GLRX3: variants seen among roughly 807,000 people sequenced by gnomAD.
GLRX3 encodes glutaredoxin-3.
In GLRX3, 22 loss-of-function variants were observed where a neutral mutation model predicts 49.5. The observed-to-expected ratio is 0.44, with a 90% CI of 0.32 to 0.63. GLRX3 has a LOEUF of 0.63. Among genes scored for constraint, GLRX3 ranks in the 30% least tolerant of loss-of-function variants. The pLI is 0.05. For missense variants in GLRX3, 385 were observed against 396.3 expected (o/e 0.97, Z 0.24); for synonymous variants, 133 against 140.0 (o/e 0.95, Z 0.35).
rs1862565425 is a variant in GLRX3, at chr10:130,160,945, T to C, written c.426T>C (p.His142=). 1 of 1,613,902 alleles carries C rather than the reference T, an allele frequency of 6.2e-7. No individual in the cohort carries two copies. The highest frequency in any genetic ancestry group is 8.5e-7 in the Non-Finnish European group (1 of 1,179,900). The change falls in exon 4 of 11, where the codon CAT becomes CAC. Residue 142 remains histidine (H), a synonymous_variant. Transcript: ENST00000331244. ...ACCTTCGCTTGAAGAAATTGACTCA[T>C]GCTGCCCCCTGCATGCTGTTTATGA... is the stretch of plus-strand genomic sequence containing the variant. ...DLNLRLKKLT[H]AAPCMLFMKG...
intron 8 of GLRX3, among the ~76,000 whole-genome samples, chr10:130,174,561 C>G (rs1862877295): frequency 2.0e-5 from 3 of 152,254 alleles, no homozygotes; most frequent in Admixed American, 1.3e-4. Context: ...TGAGCAGTTG[C>G]AGCAGAGACT....
At chr10:130,151,688 A>AC (rs1862380169) in intron 2 of GLRX3, among the ~76,000 whole-genome samples, 2 of 152,190 alleles carry the variant, frequency 1.3e-5, no homozygotes, top group Non-Finnish European at 2.9e-5. Flanking sequence ...ATGTCCCTGT[A>AC]AAGGACATGA....
At chr10:130,152,219 G>A (rs923125073) in intron 2 of GLRX3, among the ~76,000 whole-genome samples, 5 of 151,860 alleles carry the variant, frequency 3.3e-5, no homozygotes, top group African/African-American at 9.7e-5. Context: ...GGGTTTCACC[G>A]TGTTGGCCAG....
chr10:130,143,202 C>G (rs1216821587), intron 1 of GLRX3, among the ~76,000 whole-genome samples: 1 of 152,216 alleles, frequency 6.6e-6, no homozygotes, highest in Non-Finnish European at 1.5e-5. Context: ...AATCCTCATG[C>G]TGCTCTTTGC....
chr10:130,172,633 A>C (rs1331678527), intron 8 of GLRX3, among the ~76,000 whole-genome samples: 1 of 152,200 alleles, frequency 6.6e-6, no homozygotes, highest in Non-Finnish European at 1.5e-5. Flanking sequence ...GGTTGAATAC[A>C]ATTTCAGGGA....
At chr10:130,164,601 T>G (rs939591174) in intron 4 of GLRX3, among the ~76,000 whole-genome samples, 1 of 152,192 alleles carries the variant, frequency 6.6e-6, no homozygotes, top group African/African-American at 2.4e-5. Flanking sequence ...ACATTACTTT[T>G]CTACATTTAA....
chr10:130,154,007 C>G (rs1862429048), intron 2 of GLRX3, among the ~76,000 whole-genome samples: 1 of 152,196 alleles, frequency 6.6e-6, no homozygotes. Flanking sequence ...CCTACTCAAG[C>G]CTCAGCAATG....
chr10:130,174,852 TTC>T lies in GLRX3; in HGVS notation c.825-11_825-10del, dbSNP rs753128192. 6.6e-7 allele frequency: 1 copy of T among 1,523,380 alleles called. No homozygotes were observed. The highest frequency in any genetic ancestry group is 1.1e-5 in the South Asian group (1 of 88,846). 94.4% of individuals were successfully genotyped at this position (1,523,380 alleles called of 1,614,324 possible). ...TAACTGTATTTCCAGTTAAAATGTC[TTC>T]TCTTTTTTGCAGTGTTGAATATGAA... is the stretch of plus-strand genomic sequence containing the variant. On this transcript the variant is annotated splice_polypyrimidine_tract_variant and intron_variant, in intron 8 of 10. Transcript: ENST00000331244.
chr10:130,160,561 A>G (rs991940112), intron 3 of GLRX3, among the ~76,000 whole-genome samples: 9 of 152,088 alleles, frequency 5.9e-5, no homozygotes, highest in African/African-American at 2.2e-4. Flanking sequence ...TCTTTTTTGT[A>G]TTATGTTAGA....
chr10:130,159,713 A>G (rs1862538767), intron 2 of GLRX3: 4 of 724,398 alleles, frequency 5.5e-6, no homozygotes, highest in Admixed American at 8.5e-5. Context: ...AAAATTTACT[A>G]GGTCACTAGT....
At chr10:130,139,946 C>A (rs778263212) in intron 1 of GLRX3, among the ~76,000 whole-genome samples, 1 of 151,906 alleles carries the variant, frequency 6.6e-6, no homozygotes, top group African/African-American at 2.4e-5. Flanking sequence ...AAAAAGTGCC[C>A]GAATTTTAGT....
intron 4 of GLRX3, 128 bp downstream of exon 4, chr10:130,161,125 T>C (rs1232330657): frequency 4.6e-6 from 3 of 655,848 alleles, no homozygotes; most frequent in Non-Finnish European, 8.0e-6. Context: ...CACATACTTT[T>C]AGAAAATCAA....
intron 6 of GLRX3, among the ~76,000 whole-genome samples, chr10:130,169,036 T>C (rs1262590479): frequency 1.3e-5 from 2 of 152,196 alleles, no homozygotes; most frequent in Non-Finnish European, 2.9e-5. Flanking sequence ...CCTTGTGAGC[T>C]TTACACGTGT....
intron 8 of GLRX3, among the ~76,000 whole-genome samples, chr10:130,174,284 C>T (rs1024957115): frequency 6.6e-6 from 1 of 152,226 alleles, no homozygotes. Context: ...CCTCCGTCCA[C>T]GAGCACTACT....
chr10:130,147,715 G>A (rs1862295289), intron 2 of GLRX3, among the ~76,000 whole-genome samples: 1 of 152,250 alleles, frequency 6.6e-6, no homozygotes, highest in Non-Finnish European at 1.5e-5. Flanking sequence ...CAAAAGAGAA[G>A]TAGAATGAGA....
At chr10:130,177,077 T>C (rs180690488) in intron 10 of GLRX3, among the ~76,000 whole-genome samples, 55 of 152,332 alleles carry the variant, frequency 3.6e-4, no homozygotes, top group African/African-American at 1.3e-3. Context: ...TGAGAAGATA[T>C]ATGGAATAGA....
chr10:130,165,271 A>G (rs908714883), intron 4 of GLRX3, among the ~76,000 whole-genome samples: 2 of 152,216 alleles, frequency 1.3e-5, no homozygotes, highest in African/African-American at 4.8e-5. Flanking sequence ...GTAGGGCCCT[A>G]CATAGTATTG....
At chr10:130,159,477 TAAAAGC>T (rs1303918512) in intron 2 of GLRX3, among the ~76,000 whole-genome samples, 1 of 152,220 alleles carries the variant, frequency 6.6e-6, no homozygotes, top group African/African-American at 2.4e-5. Context: ...TTGCAGGAGT[TAAAAGC>T]AAAATTTATC....
intron 2 of GLRX3, among the ~76,000 whole-genome samples, chr10:130,155,533 T>A (rs1862456176): frequency 6.6e-6 from 1 of 151,790 alleles, no homozygotes; most frequent in Non-Finnish European, 1.5e-5. Flanking sequence ...GGTGTGAGAG[T>A]GAGAGAAATG....
Sources: gnomAD v4.1 joint callset for allele counts (sites outside exome capture counted in the v4.1 genomes callset) on GRCh38, gnomAD v4.1.1 for gene constraint, MANE v1.5 for transcripts, NCBI Gene and HGNC (gene_info 2026-07-23, HGNC 2026-07-21) for gene names.